Variants in ERICH3 observed in about 807,000 individuals in gnomAD.
The protein encoded by ERICH3 is glutamate rich 3.
Under a neutral mutation model 131.1 loss-of-function variants are expected in ERICH3, and 126 were observed. The observed-to-expected ratio is 0.96, with a 90% confidence interval of 0.83 to 1.11. ERICH3 has a LOEUF of 1.11. ERICH3 is among the 50% of genes most tolerant of loss of function. The pLI is 0.00. For missense variants in ERICH3, 2,050 were observed against 1,810.7 expected (o/e 1.13, Z -2.40); for synonymous variants, 695 against 644.6 (o/e 1.08, Z -1.18).
chr1:74,655,932 T>C (rs1484696163), intron 1 of ERICH3, among the ~76,000 whole-genome samples: 1 of 152,172 alleles, frequency 6.6e-6, no homozygotes, highest in Non-Finnish European at 1.5e-5. Context: ...CAAGATGCCA[T>C]CATCTGGTGA....
chr1:74,606,740 G>A lies in ERICH3; in HGVS notation c.1350C>T (p.Thr450=). The A allele has an allele frequency of 6.2e-7, 1 of 1,613,324 alleles. No individual in the cohort carries two copies. The highest frequency in any genetic ancestry group is 8.5e-7 in the Non-Finnish European group (1 of 1,179,582). Residue 450 remains threonine, a synonymous_variant, in exon 10 of 15, where the codon ACC becomes ACT. Transcript: ENST00000326665. ...PKRNEIKENK[T]SVSAKFSAQE... The stretch of plus-strand genomic sequence containing the variant: ...GAGCTGAAAATTTGGCTGAAACAGA[G>A]GTTTTGTTCTCCTTGATCTCATTTC...
At position 74,573,111 on chromosome 1, in the gene ERICH3, C is replaced by A. The variant is rs1376002192; in HGVS notation, c.2599G>T (p.Ala867Ser). The A allele has an allele frequency of 1.9e-6, 3 of 1,614,014 alleles. No individual in the cohort carries two copies. The highest frequency in any genetic ancestry group is 1.7e-6 in the Non-Finnish European group (2 of 1,179,912). Residue 867 changes from alanine (A) to serine (S), a missense_variant, in exon 14 of 15, where the codon GCT (alanine) becomes TCT (serine). Physicochemically the swap from Ala to Ser is moderately conservative, Grantham distance 99 (BLOSUM62 1). Transcript: ENST00000326665. ...DPIGQAAAKD[A>S]VGLSKDEAPE... ...GCCTCATCTTTACTCAGACCCACAG[C>A]ATCTTTTGCTGCTGCTTGTCCTATG...
At chr1:74,649,166 G>A in intron 2 of ERICH3, 56 bp downstream of exon 2, 2 of 1,221,750 alleles carry the variant, frequency 1.6e-6, no homozygotes, top group Middle Eastern at 2.0e-4. Context: ...GAAAAGGTAG[G>A]GAATTATTGG....
intron 11 of ERICH3, among the ~76,000 whole-genome samples, chr1:74,592,840 G>C (rs533505816): frequency 2.2e-4 from 33 of 152,056 alleles, no homozygotes; most frequent in Admixed American, 5.2e-4. Context: ...CACAGACACG[G>C]GGGTAAGACT....
At position 74,571,670 on chromosome 1, in the gene ERICH3, C is replaced by T; in HGVS notation, c.4040G>A (p.Gly1347Asp). 6.2e-7 allele frequency: 1 copy of T among 1,614,176 alleles called. No individual in the cohort carries two copies. The highest frequency in any genetic ancestry group is 8.5e-7 in the Non-Finnish European group (1 of 1,180,028). Residue 1347 changes from glycine to aspartate, a missense_variant, in exon 14 of 15, where the codon GGT becomes GAT. Physicochemically the swap from Gly to Asp is moderately conservative, Grantham distance 94 (BLOSUM62 -1). Coordinates refer to ENST00000326665, the MANE Select transcript of ERICH3 (RefSeq NM_001002912.5). The stretch of plus-strand genomic sequence containing the variant: ...CTCTGCGGCTGTTTCTGCCGTTTCA[C>T]CACCTCCGTGTAGAACTTCCACAGC... ...VVAVEVLHGG[G>D]ETAETAAEER...
At chr1:74,613,889 C>T (rs1209006142) in intron 8 of ERICH3, among the ~76,000 whole-genome samples, 1 of 151,920 alleles carries the variant, frequency 6.6e-6, no homozygotes, top group Non-Finnish European at 1.5e-5. Flanking sequence ...AGAAATAGAG[C>T]CTCTCTGGAC....
rs2100512665 is a variant in ERICH3, at chr1:74,573,105, C to A, written c.2605G>T (p.Gly869Cys). The A allele has an allele frequency of 1.9e-6, 3 of 1,614,050 alleles. No individual in the cohort carries two copies. The highest frequency in any genetic ancestry group is 2.5e-6 in the Non-Finnish European group (3 of 1,179,948). Residue 869 changes from glycine to cysteine, a missense_variant, in exon 14 of 15, where the codon GGT (glycine) becomes TGT (cysteine). By Grantham distance (159) the Gly-to-Cys change is radical. Coordinates refer to ENST00000326665, the MANE Select transcript of ERICH3 (RefSeq NM_001002912.5). Reference sequence around the variant, plus strand: ...TCAGGAGCCTCATCTTTACTCAGACCCACAGCATCTTTTGCTGCTGCTTGT... The same window carrying A: ...TCAGGAGCCTCATCTTTACTCAGACACACAGCATCTTTTGCTGCTGCTTGT... ...IGQAAAKDAV[G>C]LSKDEAPEKQ...
At chr1:74,644,575 A>C (rs1025452592) in intron 3 of ERICH3, among the ~76,000 whole-genome samples, 2 of 151,956 alleles carry the variant, frequency 1.3e-5, no homozygotes, top group African/African-American at 4.8e-5. Context: ...ACATACCTCC[A>C]ACCAGGTGAG....
chr1:74,656,500 C>T lies in ERICH3; in HGVS notation c.24-7185G>A, dbSNP rs141433215. ...ACCCATTCCCATGAGCCCTTGCCCT[C>T]GACTTGAGTTCCAAATCTAATTCTA... On this transcript the variant is annotated intron_variant, in intron 1 of 14. Coordinates refer to ENST00000326665, the MANE Select transcript of ERICH3 (RefSeq NM_001002912.5). 4.4e-3 allele frequency among the ~76,000 whole-genome samples: 669 copies of T among 152,240 alleles called. 9 individuals are homozygous for T. The highest frequency in any genetic ancestry group is 0.028 in the East Asian group (145 of 5,166).
intron 1 of ERICH3, among the ~76,000 whole-genome samples, chr1:74,661,408 G>A (rs1646640049): frequency 6.6e-6 from 1 of 152,106 alleles, no homozygotes; most frequent in African/African-American, 2.4e-5. Context: ...CAGTTGTTCA[G>A]AGAATGATTT....
chr1:74,591,549 T>C (rs1231687955), intron 11 of ERICH3, among the ~76,000 whole-genome samples: 1 of 152,016 alleles, frequency 6.6e-6, no homozygotes, highest in Non-Finnish European at 1.5e-5. Flanking sequence ...GAGCAGAAGA[T>C]GGGAAATGGG....
intron 10 of ERICH3, among the ~76,000 whole-genome samples, chr1:74,605,869 CTT>C (rs1336713442): frequency 1.3e-5 from 2 of 151,806 alleles, no homozygotes; most frequent in Non-Finnish European, 2.9e-5. Flanking sequence ...TGCTGATAGA[CTT>C]TGGTGCAGGG....
chr1:74,588,886 A>G (rs1647457689), intron 12 of ERICH3, among the ~76,000 whole-genome samples: 2 of 152,164 alleles, frequency 1.3e-5, no homozygotes, highest in South Asian at 4.1e-4. Context: ...CAGGAGCCCC[A>G]GGGATCAGAA....
chr1:74,673,528 G>C lies in ERICH3; in HGVS notation c.-9C>G. ...GGGTGAGAATGGCTCATTTTTGCAGGATCCCTTTTGGACCCCGCGGCAGGT... is the reference window on the plus strand; with the variant it reads ...GGGTGAGAATGGCTCATTTTTGCAGCATCCCTTTTGGACCCCGCGGCAGGT... On this transcript the variant is annotated 5_prime_UTR_variant, in exon 1 of 15. It adds an upstream start codon to the 5' untranslated region. Transcript: ENST00000326665. 6.2e-7 allele frequency: 1 copy of C among 1,613,118 alleles called. No homozygotes were observed. Among genetic ancestry groups the C allele is most frequent in the South Asian group, 1.1e-5 (1 of 90,966 alleles).
intron 1 of ERICH3, among the ~76,000 whole-genome samples, chr1:74,663,622 T>TAAA (rs75939047): frequency 6.1e-5 from 8 of 131,876 alleles, no homozygotes; most frequent in African/African-American, 1.7e-4. Flanking sequence ...TGATTTTTGT[T>TAAA]AAAAAAAAAA....
intron 7 of ERICH3, among the ~76,000 whole-genome samples, chr1:74,630,224 T>C (rs1259004987): frequency 6.6e-6 from 1 of 152,192 alleles, no homozygotes; most frequent in Non-Finnish European, 1.5e-5. Context: ...TGAGAGCATG[T>C]TCATTGGCCA....
chr1:74,673,667 G>T lies in ERICH3; in HGVS notation c.-148C>A. On this transcript the variant is annotated 5_prime_UTR_variant, in exon 1 of 15. Transcript: ENST00000326665. ...CGGGCACCTGGGCTGGGCCGCCGCC[G>T]CCCCTGGGCGCCCGGGCTACCCGCA... 1 of 670,752 alleles carries T rather than the reference G, an allele frequency of 1.5e-6. No individual in the cohort carries two copies. Among genetic ancestry groups the T allele is most frequent in the Non-Finnish European group, 2.2e-6 (1 of 450,222 alleles). The allele number at this position is 670,752 out of a possible 1,614,324, so 41.6% of individuals were successfully genotyped here. A position where few individuals can be genotyped will look rare whatever the true frequency, so the allele number is the denominator to read the frequency against.
intron 11 of ERICH3, 74 bp from the exon 12 acceptor site, chr1:74,590,154 C>A: frequency 1.6e-6 from 2 of 1,263,018 alleles, no homozygotes; most frequent in Non-Finnish European, 2.1e-6. Flanking sequence ...ATTATGTTAG[C>A]AATTAATAAT....
At position 74,612,610 on chromosome 1, in the gene ERICH3, T is replaced by C; in HGVS notation, c.1187+13A>G. 1.3e-6 allele frequency: 2 copies of C among 1,535,680 alleles called. No homozygotes were observed. Among genetic ancestry groups the C allele is most frequent in the Non-Finnish European group, 1.8e-6 (2 of 1,126,900 alleles). ...AAAACTTGCCCTCTACCAAAGGACA[T>C]TTGTTTCCATACTTGTAGCAAGGAG... On this transcript the variant is annotated intron_variant, in intron 9 of 14. Transcript: ENST00000326665.
Sources: allele counts gnomAD v4.1 joint callset (sites outside exome capture counted in the v4.1 genomes callset), GRCh38; gene constraint gnomAD v4.1.1; transcripts MANE v1.5; gene names NCBI Gene and HGNC (gene_info 2026-07-23, HGNC 2026-07-21).